Variants in CDAN1 observed in about 807,000 individuals in gnomAD.
The protein encoded by CDAN1 is codanin 1, also known as codanin-1.
CDAN1 carries 107 observed loss-of-function variants against 139.8 expected under a neutral mutation model. The observed-to-expected ratio is 0.77, with a 90% CI of 0.65 to 0.90. The LOEUF (loss-of-function observed/expected upper bound fraction) is 0.90, where lower values mean the gene tolerates loss of function less well. CDAN1 is among the 40% of genes least tolerant of loss of function. The pLI, the probability that CDAN1 is intolerant of heterozygous loss-of-function variation, is 0.00. For missense variants in CDAN1, 1,667 were observed against 1,575.7 expected, an observed-to-expected ratio of 1.06 and a Z score of -0.98; for synonymous variants, 776 against 660.6, an observed-to-expected ratio of 1.17 and a Z score of -2.68.
Position 42,736,574 on chromosome 15 carries a change from C to G in CDAN1, c.297G>C (p.Gln99His), listed in dbSNP as rs765054971. ...PPRGSRGARS[Q>H]LFPPTEAQST... ...TCTGGGCCTCGGTCGGAGGGAAAAG[C>G]TGGCTGCGCGCCCCGCGGCTACCCC... The change falls in exon 2 of 28, where the codon CAG becomes CAC. Residue 99 changes from glutamine to histidine, a missense_variant. Physicochemically the swap from Gln to His is conservative, Grantham distance 24. Coordinates refer to ENST00000356231, the MANE Select transcript of CDAN1 (RefSeq NM_138477.4). 6.7e-7 allele frequency: 1 copy of G among 1,489,184 alleles called. No individual in the cohort carries two copies. The highest frequency in any genetic ancestry group is 1.3e-5 in the South Asian group (1 of 79,142). The allele number at this position is 1,489,184 out of a possible 1,614,324, so 92.2% of individuals were successfully genotyped here.
intron 25 of CDAN1, 23 bp downstream of exon 25, chr15:42,726,074 G>A (rs996376012): frequency 1.2e-6 from 2 of 1,610,816 alleles, no homozygotes; most frequent in Non-Finnish European, 8.5e-7. Context: ...GCAAGAGAGG[G>A]ATTTGATGGA....
intron 3 of CDAN1, 57 bp from the exon 4 acceptor site, chr15:42,735,736 C>CTCAGGTCACTCCAGAG: frequency 6.3e-7 from 1 of 1,597,412 alleles, no homozygotes. Context: ...TACGGCCACA[C>CTCAGGTCACTCCAGAG]TCAGGTCACT....
At position 42,730,908 on chromosome 15, in the gene CDAN1, A is replaced by C. The variant is rs1314533984; in HGVS notation, c.2007+17T>G. 1 of 1,613,934 alleles carries C rather than the reference A, an allele frequency of 6.2e-7. No homozygotes were observed. The highest frequency in any genetic ancestry group is 1.3e-5 in the African/African-American group (1 of 74,886). The stretch of plus-strand genomic sequence containing the variant: ...TCCTCCCTGCTCCCTCCTCACCAGA[A>C]TCCCCCGCCCATTCACCTGGCTCCT... On this transcript the variant is annotated intron_variant, in intron 13 of 27. Transcript: ENST00000356231.
At position 42,737,053 on chromosome 15, in the gene CDAN1, G is replaced by A. The variant is rs748359730; in HGVS notation, c.50C>T (p.Ala17Val). The part of the protein sequence containing the change: ...SLLREEVSVA[A>V]VVRWIARSTQ... ...GCTGCGCGCGATCCACCGCACGACG[G>A]CTGCGACCGACACCTCTTCTCGCAG... Residue 17 changes from alanine (A) to valine (V), a missense_variant, in exon 1 of 28, where the codon GCC becomes GTC. Ala to Val is a moderately conservative substitution (Grantham distance 64). This residue lies in a region of CDAN1 where 487 missense variants were observed against 422.2 expected (regional missense o/e 1.15). Coordinates refer to ENST00000356231, the MANE Select transcript of CDAN1 (RefSeq NM_138477.4). 5 of 1,546,384 alleles carry A rather than the reference G, an allele frequency of 3.2e-6. No homozygotes were observed. The highest frequency in any genetic ancestry group is 4.4e-6 in the Non-Finnish European group (5 of 1,145,388).
chr15:42,725,453 G>A, intron 26 of CDAN1, 36 bp downstream of exon 26: 1 of 1,612,624 alleles, frequency 6.2e-7, no homozygotes, highest in Non-Finnish European at 8.5e-7. Flanking sequence ...TGTTCAGAGT[G>A]TGACTGCAGA....
In CDAN1 at chr15:42,727,759, C is replaced by T. The variant is rs564173096; in HGVS notation, c.2958G>A (p.Arg986=). Residue 986 remains arginine (R), a synonymous_variant, in exon 23 of 28, where the codon AGG becomes AGA. Transcript: ENST00000356231. ...WLSANITALI[R]REVKAAVSRT... is the part of the protein sequence containing the mutation. ...GACTCACTGCTGCTTTCACCTCCCT[C>T]CTGATCAGTGCTGTGGGGCAGAGGG... 2.5e-6 allele frequency: 4 copies of T among 1,598,684 alleles called. No homozygotes were observed. The highest frequency in any genetic ancestry group is 2.7e-5 in the African/African-American group (2 of 74,848).
In CDAN1 at chr15:42,732,214, G is replaced by C. The variant is rs979448420; in HGVS notation, c.1533+119C>G. On this transcript the variant is annotated intron_variant, in intron 10 of 27. Coordinates refer to ENST00000356231, the MANE Select transcript of CDAN1 (RefSeq NM_138477.4). ...CCACTCCGCGAGGAGTAGAACTCTT[G>C]TTCAAATTCCAGCCCAGGACCTGCC... 4 of 985,214 alleles carry C rather than the reference G, an allele frequency of 4.1e-6. No individual in the cohort carries two copies. In the East Asian group the frequency reaches 9.7e-5, roughly 24 times the overall value. 61.0% of individuals were successfully genotyped at this position (985,214 alleles called of 1,614,324 possible). A position where few individuals can be genotyped will look rare whatever the true frequency, so the allele number is the denominator to read the frequency against.
intron 6 of CDAN1, among the ~76,000 whole-genome samples, chr15:42,734,663 C>T (rs1198744177): frequency 6.6e-6 from 1 of 152,100 alleles, no homozygotes; most frequent in Non-Finnish European, 1.5e-5. Context: ...GGCTGGGCGT[C>T]ACCCAGGCTG....
chr15:42,725,221 G>T lies in CDAN1; in HGVS notation c.3481C>A (p.Leu1161Met), dbSNP rs144732096. Residue 1161 changes from leucine (L) to methionine (M), a missense_variant, in exon 27 of 28, where the codon CTG becomes ATG. By Grantham distance (15) the Leu-to-Met change is conservative (BLOSUM62 2). This residue lies in a region of CDAN1 where 936 missense variants were observed against 844.1 expected (regional missense o/e 1.11). Transcript: ENST00000356231. The part of the protein sequence containing the change: ...WDLLLFLLRE[L>M]VEKGLMGRME... Reference sequence around the variant, plus strand: ...CGTCCCATCAGACCCTTCTCCACCAGCTCCCGTAGCAAGAATAGCAGCAAG... The same window carrying T: ...CGTCCCATCAGACCCTTCTCCACCATCTCCCGTAGCAAGAATAGCAGCAAG... The T allele has an allele frequency of 4.6e-5, 74 of 1,614,092 alleles. No homozygotes were observed. Among genetic ancestry groups the T allele is most frequent in the Admixed American group, 8.3e-5 (5 of 60,006 alleles).
chr15:42,733,784 C>CA (rs760587602), intron 8 of CDAN1, among the ~76,000 whole-genome samples, 154 bp downstream of exon 8: 6 of 152,326 alleles, frequency 3.9e-5, no homozygotes, highest in Non-Finnish European at 8.8e-5. Context: ...AGAATGAAGC[C>CA]AGGTGGTCCC....
In CDAN1 at chr15:42,735,966, G is replaced by A. The variant is rs1281997414; in HGVS notation, c.682C>T (p.Pro228Ser). Residue 228 changes from proline to serine, a missense_variant, in exon 3 of 28, where the codon CCC becomes TCC. Around this residue, in one of 3 missense-constraint regions of CDAN1, gnomAD observed 487 missense variants for 422.2 expected, o/e 1.15. Transcript: ENST00000356231. ...CAAGGGCTAGTGTCCAGGGCTGAGG[G>A]TTGGGAACTGGGGACACAGCTGATT... Reference protein sequence around the residue: ...PPISCVPSSQPSALDTSPWGL... With the variant: ...PPISCVPSSQSSALDTSPWGL... 1.2e-6 allele frequency: 2 copies of A among 1,614,200 alleles called. No individual in the cohort carries two copies. Among genetic ancestry groups the A allele is most frequent in the Non-Finnish European group, 1.7e-6 (2 of 1,180,028 alleles).
chr15:42,725,673 G>C lies in CDAN1; in HGVS notation c.3269-3C>G, dbSNP rs746704473. 6.2e-7 allele frequency: 1 copy of C among 1,613,976 alleles called. No homozygotes were observed. Among genetic ancestry groups the C allele is most frequent in the South Asian group, 1.1e-5 (1 of 91,072 alleles). On this transcript the variant is annotated splice_polypyrimidine_tract_variant and splice_region_variant and intron_variant, in intron 25 of 27. Transcript: ENST00000356231. ...TAGGATAGGAATTTGATCTGCAACT[G>C]TGGAAAGAGGAAAGCCAAGCTTTAA...
In CDAN1 at chr15:42,729,866, T is replaced by C; in HGVS notation, c.2282A>G (p.Asp761Gly). 1 of 1,613,444 alleles carries C rather than the reference T, an allele frequency of 6.2e-7. No homozygotes were observed. The highest frequency in any genetic ancestry group is 8.5e-7 in the Non-Finnish European group (1 of 1,179,830). Residue 761 changes from aspartate (D) to glycine (G), a missense_variant, in exon 16 of 28, where the codon GAC becomes GGC. Around this residue, in one of 3 missense-constraint regions of CDAN1, gnomAD observed 936 missense variants for 844.1 expected, o/e 1.11. Coordinates refer to ENST00000356231, the MANE Select transcript of CDAN1 (RefSeq NM_138477.4). ...GGGACCCTCTTCCAGAAAGAACAAGTCCTCAGGGACTGTGGGAATCTGGCA... is the reference window on the plus strand; with the variant it reads ...GGGACCCTCTTCCAGAAAGAACAAGCCCTCAGGGACTGTGGGAATCTGGCA... The part of the protein sequence containing the change: ...WLFQIPTVPE[D>G]LFFLEEGPSY...
In CDAN1 at chr15:42,728,338, T is replaced by G. The variant is rs2061560594; in HGVS notation, c.2805-71A>C. Reference sequence around the variant, plus strand: ...TGGCTGCAGAAGTAAATGCCCCGAGTGCACCAAGCCCCTGACCTGGGAGGC... The same window carrying G: ...TGGCTGCAGAAGTAAATGCCCCGAGGGCACCAAGCCCCTGACCTGGGAGGC... On this transcript the variant is annotated intron_variant, in intron 20 of 27. Coordinates refer to ENST00000356231, the MANE Select transcript of CDAN1 (RefSeq NM_138477.4). The G allele has an allele frequency of 8.6e-6, 13 of 1,520,008 alleles. No individual in the cohort carries two copies. In the East Asian group the frequency reaches 2.7e-4, roughly 32 times the overall value. The allele number at this position is 1,520,008 out of a possible 1,614,324, so 94.2% of individuals were successfully genotyped here.
At chr15:42,726,591 G>C (rs1042298659) in intron 23 of CDAN1, 174 bp from the exon 24 acceptor site, 1 of 610,116 alleles carries the variant, frequency 1.6e-6, no homozygotes, top group Admixed American at 2.7e-5. Flanking sequence ...ATACAGCCAG[G>C]GGAAGCAACC....
chr15:42,732,779 G>C (rs886318954), intron 9 of CDAN1, among the ~76,000 whole-genome samples: 16 of 151,314 alleles, frequency 1.1e-4, no homozygotes, highest in African/African-American at 3.9e-4. Context: ...GGATGGAGAA[G>C]ATGGAGGCTG....
intron 23 of CDAN1, 51 bp downstream of exon 23, chr15:42,727,568 CAG>C: frequency 6.9e-7 from 1 of 1,452,432 alleles, no homozygotes; most frequent in South Asian, 1.4e-5. Flanking sequence ...AAACCAGGAA[CAG>C]AGCAGGGGGG....
Position 42,731,746 on chromosome 15 carries a change from T to C in CDAN1, c.1613A>G (p.Lys538Arg). 1 of 1,614,124 alleles carries C rather than the reference T, an allele frequency of 6.2e-7. No homozygotes were observed. The highest frequency in any genetic ancestry group is 8.5e-7 in the Non-Finnish European group (1 of 1,180,026). Residue 538 changes from lysine (K) to arginine (R), a missense_variant, in exon 11 of 28, where the codon AAG becomes AGG. By Grantham distance (26) the Lys-to-Arg change is conservative. Around this residue, in one of 3 missense-constraint regions of CDAN1, gnomAD observed 244 missense variants for 309.4 expected, o/e 0.79. Transcript: ENST00000356231. ...CTGTAGGCGCCACAACCGCCCCAGCTTGTCAGCTCCCAGCATACTCAACAC... is the reference window on the plus strand; with the variant it reads ...CTGTAGGCGCCACAACCGCCCCAGCCTGTCAGCTCCCAGCATACTCAACAC... ...PDVLSMLGAD[K>R]LGRLWRLQER...
chr15:42,730,311 TA>T, intron 14 of CDAN1, 96 bp from the exon 15 acceptor site: 2 of 1,176,368 alleles, frequency 1.7e-6, no homozygotes, highest in Non-Finnish European at 1.3e-6. Context: ...AAAGCAGAAC[TA>T]AAAGGGACTG....
Sources: allele counts gnomAD v4.1 joint callset (sites outside exome capture counted in the v4.1 genomes callset), GRCh38; gene constraint gnomAD v4.1.1; regional missense constraint gnomAD v4.1.1; transcripts MANE v1.5; gene names NCBI Gene and HGNC (gene_info 2026-07-23, HGNC 2026-07-21).